SLC4A4: variants seen among roughly 807,000 people sequenced by gnomAD.
SLC4A4 encodes the protein electrogenic sodium bicarbonate cotransporter 1.
SLC4A4 carries 27 observed loss-of-function variants against 111.5 expected under a neutral mutation model. That is an observed-to-expected ratio of 0.24 (90% CI 0.18 to 0.33). SLC4A4 has a LOEUF of 0.33. SLC4A4 is among the 10% of genes least tolerant of loss of function. The pLI, the probability that SLC4A4 is intolerant of heterozygous loss-of-function variation, is 1.00. For synonymous variants in SLC4A4, 443 were observed against 463.4 expected (o/e 0.96, Z 0.57); for missense variants, 909 against 1,315.5 (o/e 0.69, Z 4.78).
In SLC4A4 at chr4:71,121,802, C is replaced by T. The variant is rs535361236; in HGVS notation, c.-2+29010C>T. Among the ~76,000 whole-genome samples, 792 of 152,274 alleles carry T rather than the reference C, an allele frequency of 5.2e-3. 7 individuals are homozygous for T. The highest frequency in any genetic ancestry group is 7.7e-3 in the Admixed American group (118 of 15,302). On this transcript the variant is annotated intron_variant, in intron 2 of 26. Coordinates refer to the SLC4A4 transcript ENST00000649996. ...CCACGTTGTGGAAGCTTTGTTTTTT[C>T]GCTCTTTGCAATAAATCTCGCTGCT...
intron 7 of SLC4A4, among the ~76,000 whole-genome samples, chr4:71,415,138 A>G (rs1229287187): frequency 6.6e-6 from 1 of 152,236 alleles, no homozygotes; most frequent in Non-Finnish European, 1.5e-5. Context: ...AATGCATGCA[A>G]CTATACACTT....
intron 2 of SLC4A4, among the ~76,000 whole-genome samples, chr4:71,162,732 G>C (rs919132230): frequency 6.6e-6 from 1 of 152,052 alleles, no homozygotes; most frequent in African/African-American, 2.4e-5. Context: ...TTAAAACCCA[G>C]AAAAAGAAAA....
At chr4:71,561,416 G>T (rs1238137328) in intron 23 of SLC4A4, among the ~76,000 whole-genome samples, 1 of 151,784 alleles carries the variant, frequency 6.6e-6, no homozygotes, top group African/African-American at 2.4e-5. Context: ...CAGCCATAGT[G>T]GCAAGGCCAA....
At chr4:71,353,699 T>C (rs903484319) in intron 5 of SLC4A4, among the ~76,000 whole-genome samples, 1 of 152,204 alleles carries the variant, frequency 6.6e-6, no homozygotes, top group Non-Finnish European at 1.5e-5. Context: ...AGCTAAATCT[T>C]AAGATGCATC....
At chr4:71,406,287 T>C (rs1473426719) in intron 7 of SLC4A4, among the ~76,000 whole-genome samples, 1 of 150,186 alleles carries the variant, frequency 6.7e-6, no homozygotes. Flanking sequence ...AGGAGTGTTG[T>C]CAACTGAAAT....
intron 12 of SLC4A4, among the ~76,000 whole-genome samples, chr4:71,455,688 A>G (rs1726184757): frequency 6.6e-6 from 1 of 152,140 alleles, no homozygotes; most frequent in Admixed American, 6.6e-5. Context: ...ACTTTTTTTG[A>G]TGGACATTCT....
intron 1 of SLC4A4, among the ~76,000 whole-genome samples, chr4:71,194,203 T>G (rs765994675): frequency 1.1e-4 from 17 of 152,226 alleles, no homozygotes; most frequent in Non-Finnish European, 1.5e-4. Flanking sequence ...ATTAAAATAA[T>G]TATAAAACCT....
intron 3 of SLC4A4, among the ~76,000 whole-genome samples, chr4:71,311,500 ACAGTGCAAT>A (rs1437749066): frequency 6.6e-6 from 1 of 152,230 alleles, no homozygotes; most frequent in African/African-American, 2.4e-5. Context: ...CTCTCAGACC[ACAGTGCAAT>A]CAAATTAGAA....
At chr4:71,309,049 G>A (rs899291694) in intron 3 of SLC4A4, among the ~76,000 whole-genome samples, 19 of 152,150 alleles carry the variant, frequency 1.2e-4, no homozygotes, top group Admixed American at 5.9e-4. Flanking sequence ...TGGAGGCAGG[G>A]GCATCCACCA....
At chr4:71,326,188 G>A (rs564183316) in intron 3 of SLC4A4, among the ~76,000 whole-genome samples, 41 of 151,700 alleles carry the variant, frequency 2.7e-4, no homozygotes, top group Non-Finnish European at 5.6e-4. Context: ...TACTTTCTGG[G>A]GAATATGAAT....
intron 3 of SLC4A4, among the ~76,000 whole-genome samples, chr4:71,266,979 TTAC>T (rs1157992747): frequency 1.3e-4 from 20 of 152,338 alleles, no homozygotes; most frequent in Middle Eastern, 6.8e-3. Context: ...AATGTGGTAA[TTAC>T]TAACTACATC....
intron 1 of SLC4A4, among the ~76,000 whole-genome samples, chr4:71,087,733 C>T (rs1453278846): frequency 1.3e-5 from 2 of 151,876 alleles, no homozygotes; most frequent in South Asian, 2.1e-4. Flanking sequence ...GTTTCTTAAT[C>T]CTGAGTTCTA....
Position 71,475,986 on chromosome 4 carries a change from A to G in SLC4A4, c.1903+3016A>G, listed in dbSNP as rs142233539. 2.0e-3 allele frequency among the ~76,000 whole-genome samples: 303 copies of G among 151,944 alleles called. 1 individual carries two copies. The highest frequency in any genetic ancestry group is 3.1e-3 in the Non-Finnish European group (212 of 67,852). On this transcript the variant is annotated intron_variant, in intron 14 of 25. Coordinates refer to ENST00000264485, the MANE Select transcript of SLC4A4 (RefSeq NM_001098484.3). ...TTGTAGGGCAGTTGGCCCATTATGC[A>G]ACAAGACTGTTGGTTGTACCTCTTA...
At chr4:71,458,666 A>T (rs1726519436) in intron 12 of SLC4A4, among the ~76,000 whole-genome samples, 1 of 152,100 alleles carries the variant, frequency 6.6e-6, no homozygotes, top group Non-Finnish European at 1.5e-5. Flanking sequence ...CTGTGCTGAG[A>T]ATATTTAATC....
In SLC4A4 at chr4:71,296,120, C is replaced by A. The variant is rs545305307; in HGVS notation, c.253+40721C>A. On this transcript the variant is annotated intron_variant, in intron 3 of 25. Coordinates refer to ENST00000264485, the MANE Select transcript of SLC4A4 (RefSeq NM_001098484.3). ...ACTCTTTTTAACCTGTTTTTTTTTTCATTTTCTTTCTTTTTATACCTTATA... is the reference window on the plus strand; with the variant it reads ...ACTCTTTTTAACCTGTTTTTTTTTTAATTTTCTTTCTTTTTATACCTTATA... Among the ~76,000 whole-genome samples, 136 of 148,924 alleles carry A rather than the reference C, an allele frequency of 9.1e-4. 1 individual carries two copies. The highest frequency in any genetic ancestry group is 3.1e-3 in the African/African-American group (125 of 40,446).
chr4:71,199,985 A>G (rs1428639716), intron 1 of SLC4A4, among the ~76,000 whole-genome samples: 3 of 152,140 alleles, frequency 2.0e-5, no homozygotes, highest in African/African-American at 7.2e-5. Flanking sequence ...GAACAGCAGG[A>G]AAAAGCAGGT....
intron 3 of SLC4A4, among the ~76,000 whole-genome samples, chr4:71,259,973 C>T (rs896406552): frequency 2.0e-5 from 3 of 152,202 alleles, no homozygotes; most frequent in Non-Finnish European, 4.4e-5. Flanking sequence ...CTGCCTCTCA[C>T]ACACAGGTCT....
At chr4:71,285,993 C>A (rs1057406035) in intron 3 of SLC4A4, among the ~76,000 whole-genome samples, 4 of 152,132 alleles carry the variant, frequency 2.6e-5, no homozygotes, top group Admixed American at 1.3e-4. Context: ...AATCCCAGCA[C>A]TTTGGGAGGC....
At chr4:71,454,208 G>A (rs547726305) in intron 12 of SLC4A4, among the ~76,000 whole-genome samples, 2 of 152,216 alleles carry the variant, frequency 1.3e-5, no homozygotes, top group East Asian at 1.9e-4. Flanking sequence ...AAGCTGTAAC[G>A]ACTCTGGCTT....
Sources: gnomAD v4.1 joint callset for allele counts (sites outside exome capture counted in the v4.1 genomes callset) on GRCh38, gnomAD v4.1.1 for gene constraint, MANE v1.5 for transcripts, NCBI Gene and HGNC (gene_info 2026-07-23, HGNC 2026-07-21) for gene names.